DAB1: variants seen among roughly 807,000 people sequenced by gnomAD.
The protein encoded by DAB1 is disabled homolog 1.
A neutral mutation model predicts 64.6 loss-of-function variants in DAB1; 15 were observed. The observed-to-expected ratio is 0.23, with a 90% confidence interval of 0.16 to 0.36. The LOEUF is 0.36. Among genes scored for constraint, DAB1 ranks in the 10% least tolerant of loss-of-function variants. The pLI is 1.00. For synonymous variants in DAB1, 235 were observed against 251.9 expected (o/e 0.93, Z 0.64); for missense variants, 596 against 706.7 (o/e 0.84, Z 1.78).
chr1:58,165,247 T>G (rs1347033994), intron 4 of DAB1, among the ~76,000 whole-genome samples: 1 of 152,202 alleles, frequency 6.6e-6, no homozygotes, highest in Admixed American at 6.5e-5. Flanking sequence ...AAAGGCAGAC[T>G]GAACCTGCTC....
chr1:57,220,373 G>C (rs1167846766), intron 2 of DAB1, among the ~76,000 whole-genome samples: 1 of 152,136 alleles, frequency 6.6e-6, no homozygotes, highest in Non-Finnish European at 1.5e-5. Context: ...GGCTTGGTGG[G>C]GTGAGGTTTG....
intron 7 of DAB1, among the ~76,000 whole-genome samples, chr1:57,620,255 C>CT (rs1645840182): frequency 1.3e-5 from 2 of 152,146 alleles, no homozygotes; most frequent in Admixed American, 1.3e-4. Flanking sequence ...AAATTTCACA[C>CT]AAGGCCAAGC....
At chr1:57,678,745 G>A (rs988434448) in intron 6 of DAB1, among the ~76,000 whole-genome samples, 5 of 148,762 alleles carry the variant, frequency 3.4e-5, no homozygotes, top group African/African-American at 1.2e-4. Context: ...TCTGGCATTC[G>A]TCCAGTGAGG....
At chr1:57,073,216 A>G (rs1474965045) in intron 4 of DAB1, among the ~76,000 whole-genome samples, 2 of 152,272 alleles carry the variant, frequency 1.3e-5, no homozygotes, top group East Asian at 3.9e-4. Context: ...CGTGCCTGGA[A>G]CGAACTTCCT....
At chr1:57,905,466 C>G (rs1289581256) in intron 5 of DAB1, among the ~76,000 whole-genome samples, 1 of 152,054 alleles carries the variant, frequency 6.6e-6, no homozygotes, top group Non-Finnish European at 1.5e-5. Flanking sequence ...AGGATGGCTT[C>G]TAAATATTTG....
intron 4 of DAB1, among the ~76,000 whole-genome samples, chr1:58,251,094 A>T (rs868136060): frequency 3.9e-5 from 6 of 152,248 alleles, no homozygotes; most frequent in Non-Finnish European, 5.9e-5. Flanking sequence ...TGGGAACCAT[A>T]TGTCTCATAT....
chr1:58,386,051 G>A lies in DAB1; in HGVS notation n.258-42648C>T, dbSNP rs116547302. On this transcript the variant is annotated intron_variant and non_coding_transcript_variant, in intron 3 of 20. Coordinates refer to the DAB1 transcript ENST00000485760. ...ACGTTAGCTCTACCTATCTAAGAGCGTTTTCGTATCATTAAAATAAAGGAA... is the reference window on the plus strand; with the variant it reads ...ACGTTAGCTCTACCTATCTAAGAGCATTTTCGTATCATTAAAATAAAGGAA... 4.2e-3 allele frequency among the ~76,000 whole-genome samples: 633 copies of A among 152,230 alleles called. 3 individuals are homozygous for A. Among genetic ancestry groups the A allele is most frequent in the African/African-American group, 0.014 (597 of 41,528 alleles).
At chr1:58,230,723 T>A (rs1659738359) in intron 4 of DAB1, among the ~76,000 whole-genome samples, 1 of 152,208 alleles carries the variant, frequency 6.6e-6, no homozygotes, top group African/African-American at 2.4e-5. Flanking sequence ...TATGACCAAA[T>A]GCAGCAACAA....
At chr1:58,392,499 T>G (rs1427203083) in intron 3 of DAB1, among the ~76,000 whole-genome samples, 2 of 152,152 alleles carry the variant, frequency 1.3e-5, no homozygotes, top group African/African-American at 4.8e-5. Context: ...CTTACTATTA[T>G]CCACTCTCTT....
intron 6 of DAB1, among the ~76,000 whole-genome samples, chr1:57,658,223 C>T (rs2101664715): frequency 6.6e-6 from 1 of 152,184 alleles, no homozygotes; most frequent in East Asian, 1.9e-4. Context: ...TCTTCTACCC[C>T]TGCTTCTATG....
intron 3 of DAB1, among the ~76,000 whole-genome samples, chr1:58,476,552 G>A (rs1304755951): frequency 2.0e-5 from 3 of 152,160 alleles, no homozygotes; most frequent in Non-Finnish European, 4.4e-5. Flanking sequence ...GAAGTTAGGG[G>A]GCAAAGTGTA....
intron 5 of DAB1, among the ~76,000 whole-genome samples, chr1:58,117,967 C>A (rs1004692208): frequency 1.3e-5 from 2 of 151,690 alleles, no homozygotes. Context: ...TGCAGTGGTG[C>A]AATCATGGCT....
intron 4 of DAB1, among the ~76,000 whole-genome samples, chr1:58,285,501 A>G (rs1224079146): frequency 6.6e-6 from 1 of 152,190 alleles, no homozygotes; most frequent in Non-Finnish European, 1.5e-5. Context: ...TGTAAAAATC[A>G]CAAGCATTTC....
At chr1:57,114,474 A>G (rs1320938445) in intron 4 of DAB1, among the ~76,000 whole-genome samples, 4 of 152,242 alleles carry the variant, frequency 2.6e-5, no homozygotes, top group Non-Finnish European at 2.9e-5. Flanking sequence ...AGAAGAAAAA[A>G]AAAGCAAAGC....
chr1:57,367,607 C>T (rs887166797), intron 1 of DAB1, among the ~76,000 whole-genome samples: 17 of 152,302 alleles, frequency 1.1e-4, no homozygotes, highest in African/African-American at 2.9e-4. Flanking sequence ...ATGGCAGTGG[C>T]GACCTATCTG....
intron 2 of DAB1, among the ~76,000 whole-genome samples, chr1:57,160,060 C>A (rs1660604532): frequency 6.6e-6 from 1 of 152,056 alleles, no homozygotes; most frequent in South Asian, 2.1e-4. Flanking sequence ...TTACCCACAG[C>A]CTAAGGATGG....
chr1:58,318,029 T>C (rs923422842), intron 4 of DAB1, among the ~76,000 whole-genome samples: 5 of 152,092 alleles, frequency 3.3e-5, no homozygotes, highest in Admixed American at 6.5e-5. Flanking sequence ...AGCTTAAAGA[T>C]ATTAAAGCAA....
At chr1:57,639,912 T>C (rs950102421) in intron 7 of DAB1, among the ~76,000 whole-genome samples, 1 of 152,164 alleles carries the variant, frequency 6.6e-6, no homozygotes, top group African/African-American at 2.4e-5. Flanking sequence ...GTAATATTCA[T>C]CCTTCTAATT....
Position 56,996,814 on chromosome 1 carries a change from A to C in DAB1, c.*1330T>G, listed in dbSNP as rs533041564. ...ATCAAGTTTGTCACACCTTGCACTC[A>C]ATCTGCTACCTTCTCTACAGTGTAA... On this transcript the variant is annotated 3_prime_UTR_variant, in exon 15 of 15. Transcript: ENST00000371236. 1 of 152,174 alleles carries C rather than the reference A, an allele frequency of 6.6e-6. No individual in the cohort carries two copies. The highest frequency in any genetic ancestry group is 2.1e-4 in the South Asian group (1 of 4,832). The allele number at this position is 152,174 out of a possible 1,614,324, so 9.4% of individuals were successfully genotyped here.
Sources: gnomAD v4.1 joint callset for allele counts (sites outside exome capture counted in the v4.1 genomes callset) on GRCh38, gnomAD v4.1.1 for gene constraint, MANE v1.5 for transcripts, NCBI Gene and HGNC (gene_info 2026-07-23, HGNC 2026-07-21) for gene names.